HDAC9: variants seen among roughly 807,000 people sequenced by gnomAD.
HDAC9 encodes the protein histone deacetylase 9.
Under a neutral mutation model 139.4 loss-of-function variants are expected in HDAC9, and 41 were observed. The ratio of observed to expected loss-of-function variants is 0.29; its 90% CI spans 0.23 to 0.38. The LOEUF (loss-of-function observed/expected upper bound fraction) is 0.38. Ranked by LOEUF, HDAC9 falls within the 10% of genes least tolerant of loss-of-function variation. The pLI, the probability that HDAC9 is intolerant of heterozygous loss-of-function variation, is 1.00. For missense variants in HDAC9, 1,147 were observed against 1,297.0 expected (o/e 0.88, Z 1.78); for synonymous variants, 517 against 476.2 (o/e 1.09, Z -1.12).
intron 16 of HDAC9, among the ~76,000 whole-genome samples, chr7:18,790,498 T>G (rs1792206803): frequency 6.6e-6 from 1 of 152,150 alleles, no homozygotes. Flanking sequence ...ATCTTGAACT[T>G]CAAAGCCTCC....
At chr7:18,343,532 T>C (rs1782173181) in intron 1 of HDAC9, among the ~76,000 whole-genome samples, 1 of 151,784 alleles carries the variant, frequency 6.6e-6, no homozygotes, top group African/African-American at 2.4e-5. Context: ...CTACAGAATA[T>C]TGAGAAAGGG....
At chr7:18,493,681 A>C (rs886302393), upstream of HDAC9, among the ~76,000 whole-genome samples, 6 of 151,976 alleles carry the variant, frequency 3.9e-5, 1 homozygote, top group Admixed American at 3.9e-4. Context: ...GTATAGGTGT[A>C]TCAAATCATC....
chr7:18,688,972 G>T (rs1374951891), intron 12 of HDAC9, among the ~76,000 whole-genome samples: 1 of 151,958 alleles, frequency 6.6e-6, no homozygotes. Flanking sequence ...CTTAATGGAA[G>T]TTTTAATTAT....
chr7:18,600,867 C>T (rs1209486005), intron 6 of HDAC9, among the ~76,000 whole-genome samples: 1 of 152,082 alleles, frequency 6.6e-6, no homozygotes, highest in African/African-American at 2.4e-5. Context: ...CTCTGTCTCC[C>T]AGGCTGCAGT....
intron 1 of HDAC9, among the ~76,000 whole-genome samples, chr7:18,303,488 C>T (rs921648720): frequency 2.0e-5 from 3 of 151,882 alleles, no homozygotes; most frequent in Non-Finnish European, 4.4e-5. Flanking sequence ...ACCTTGTGAT[C>T]TGCCCACCTC....
At chr7:18,348,458 AAT>A (rs1782591974) in intron 1 of HDAC9, among the ~76,000 whole-genome samples, 1 of 152,172 alleles carries the variant, frequency 6.6e-6, no homozygotes, top group African/African-American at 2.4e-5. Flanking sequence ...GGGAAGGTTC[AAT>A]TAGATATGCC....
At chr7:18,925,414 T>C (rs1804128038) in intron 22 of HDAC9, among the ~76,000 whole-genome samples, 1 of 152,164 alleles carries the variant, frequency 6.6e-6, no homozygotes, top group Non-Finnish European at 1.5e-5. Context: ...TAACATTAGT[T>C]TATACACCAT....
intron 20 of HDAC9, 29 bp from the exon 21 acceptor site, chr7:18,835,871 C>T (rs1796203351): frequency 1.4e-6 from 2 of 1,425,492 alleles, no homozygotes. Flanking sequence ...CTCTTCTCTG[C>T]CCACCGTGGT....
At position 18,732,690 on chromosome 7, in the gene HDAC9, C is replaced by T. The variant is rs866592507; in HGVS notation, c.1909+4933C>T. On this transcript the variant is annotated intron_variant, in intron 13 of 25. Coordinates refer to ENST00000686413, the MANE Select transcript of HDAC9 (RefSeq NM_178425.4). The stretch of plus-strand genomic sequence containing the variant: ...GTGTATATGTGTGCGTATGTGTACA[C>T]ACACACACGTGTATGTGTGCGTATG... 1.8e-3 allele frequency among the ~76,000 whole-genome samples: 229 copies of T among 128,398 alleles called. 55 individuals carry two copies. The highest frequency in any genetic ancestry group is 7.2e-3 in the African/African-American group (202 of 27,992). The allele number at this position is 128,398 out of a possible 152,430, so 84.2% of individuals were successfully genotyped here.
At chr7:18,836,741 G>A (rs952492141) in intron 21 of HDAC9, among the ~76,000 whole-genome samples, 3 of 152,156 alleles carry the variant, frequency 2.0e-5, no homozygotes, top group African/African-American at 4.8e-5. Context: ...TAGTTTAAAC[G>A]TTAGTCTTTC....
chr7:18,637,399 A>G (rs1784236324), intron 8 of HDAC9, among the ~76,000 whole-genome samples: 1 of 152,138 alleles, frequency 6.6e-6, no homozygotes, highest in Non-Finnish European at 1.5e-5. Context: ...AATCTGTTTT[A>G]TATTTCTAAA....
intron 23 of HDAC9, among the ~76,000 whole-genome samples, chr7:18,950,598 T>C (rs1185423277): frequency 6.6e-6 from 1 of 152,018 alleles, no homozygotes; most frequent in African/African-American, 2.4e-5. Flanking sequence ...CGTCTTTAAA[T>C]GGCTCACAAC....
chr7:18,545,346 G>A (rs892459041), intron 2 of HDAC9, among the ~76,000 whole-genome samples: 1 of 151,880 alleles, frequency 6.6e-6, no homozygotes, highest in African/African-American at 2.4e-5. Flanking sequence ...CAAATACTTG[G>A]TGAATATCAC....
intron 12 of HDAC9, among the ~76,000 whole-genome samples, chr7:18,680,791 T>G (rs574466374): frequency 3.9e-5 from 6 of 152,054 alleles, no homozygotes; most frequent in Non-Finnish European, 8.8e-5. Flanking sequence ...TGAGGCTCTT[T>G]GTCTGTCAAG....
At chr7:18,594,101 T>G in intron 6 of HDAC9, 72 bp downstream of exon 6, 6 of 1,520,124 alleles carry the variant, frequency 3.9e-6, no homozygotes, top group Non-Finnish European at 5.4e-6. Flanking sequence ...GCCACACCTC[T>G]AGAAGAAAGT....
At chr7:18,296,933 T>G (rs890355356) in intron 1 of HDAC9, among the ~76,000 whole-genome samples, 2 of 152,136 alleles carry the variant, frequency 1.3e-5, no homozygotes, top group Non-Finnish European at 2.9e-5. Flanking sequence ...GAGACAGACT[T>G]TGTATGCGGT....
chr7:18,680,491 T>C (rs1459453839), intron 12 of HDAC9, among the ~76,000 whole-genome samples: 1 of 151,990 alleles, frequency 6.6e-6, no homozygotes, highest in African/African-American at 2.4e-5. Flanking sequence ...TCATCCTCTT[T>C]AATTACCATG....
At chr7:18,148,423 G>A (rs1371864396) in intron 1 of HDAC9, among the ~76,000 whole-genome samples, 1 of 152,014 alleles carries the variant, frequency 6.6e-6, no homozygotes, top group African/African-American at 2.4e-5. Context: ...CTCCACTTCT[G>A]CCTGACTGTA....
chr7:18,271,248 G>A (rs1467244593), intron 2 of HDAC9, among the ~76,000 whole-genome samples: 3 of 152,180 alleles, frequency 2.0e-5, no homozygotes, highest in African/African-American at 7.2e-5. Context: ...TTCAATTAGA[G>A]AGATAATGTG....
Sources: gnomAD v4.1 joint callset for allele counts (sites outside exome capture counted in the v4.1 genomes callset) on GRCh38, gnomAD v4.1.1 for gene constraint, MANE v1.5 for transcripts, NCBI Gene and HGNC (gene_info 2026-07-23, HGNC 2026-07-21) for gene names.